The following TAGLN2 variants were observed in gnomAD, a reference collection of about 807,000 sequenced individuals.
TAGLN2 encodes transgelin 2.
In TAGLN2, 14 loss-of-function variants were observed where a neutral mutation model predicts 24.9. The observed-to-expected ratio is 0.56, with a 90% CI of 0.37 to 0.88. The LOEUF (loss-of-function observed/expected upper bound fraction) is 0.88, where lower values mean the gene tolerates loss of function less well. Among genes scored for constraint, TAGLN2 ranks in the 40% least tolerant of loss-of-function variants. TAGLN2 has a pLI of 0.00. For synonymous variants in TAGLN2, 77 were observed against 98.2 expected, an observed-to-expected ratio of 0.78 and a Z score of 1.28; for missense variants, 208 against 258.9, an observed-to-expected ratio of 0.80 and a Z score of 1.35.
intron 4 of TAGLN2, 124 bp downstream of exon 4, chr1:159,919,150 G>A (rs556552211): frequency 6.9e-5 from 86 of 1,249,932 alleles, no homozygotes; most frequent in Non-Finnish European, 9.1e-5. Context: ...TAAGTGAGAT[G>A]AGGAATTTTC....
At position 159,920,387 on chromosome 1, in the gene TAGLN2, A is replaced by G. The variant is rs753826468; in HGVS notation, c.123T>C (p.Asp41=). The change falls in exon 2 of 5, where the codon GAT becomes GAC. Residue 41 remains aspartate, a synonymous_variant. Coordinates refer to ENST00000368097, the MANE Select transcript of TAGLN2 (RefSeq NM_003564.3). ...CGCGTCCAGGCTGGGGCCGGCCCAC[A>G]TCCTTTCGGCACTGGGTGGTGATCC... is the stretch of plus-strand genomic sequence containing the variant. The part of the protein sequence containing the change: ...IQWITTQCRK[D]VGRPQPGREN... The G allele has an allele frequency of 6.2e-7, 1 of 1,614,154 alleles. No individual in the cohort carries two copies. Among genetic ancestry groups the G allele is most frequent in the South Asian group, 1.1e-5 (1 of 91,076 alleles).
intron 1 of TAGLN2, among the ~76,000 whole-genome samples, chr1:159,923,232 G>A (rs1275240545): frequency 2.6e-5 from 4 of 152,250 alleles, no homozygotes; most frequent in East Asian, 1.9e-4. Flanking sequence ...GACAGGTGTG[G>A]GGGACCCCCA....
At position 159,923,476 on chromosome 1, in the gene TAGLN2, G is replaced by C. The variant is rs906990246; in HGVS notation, c.-29+1974C>G. The C allele has an allele frequency of 4.5e-6, 7 of 1,549,756 alleles. No individual in the cohort carries two copies. In the African/African-American group the frequency reaches 9.6e-5, roughly 21 times the overall value. On this transcript the variant is annotated intron_variant, in intron 1 of 4. Coordinates refer to ENST00000368097, the MANE Select transcript of TAGLN2 (RefSeq NM_003564.3). The stretch of plus-strand genomic sequence containing the variant: ...GCCAAAGAAAAGGCGGACATGGGTG[G>C]GGGCAGGGAGGACTTCAGGGTTCTT...
intron 1 of TAGLN2, among the ~76,000 whole-genome samples, chr1:159,923,152 T>G (rs1650591026): frequency 6.6e-6 from 1 of 152,190 alleles, no homozygotes; most frequent in Non-Finnish European, 1.5e-5. Flanking sequence ...TGCCCCTGCC[T>G]TCCCTCAAAC....
chr1:159,922,007 C>T (rs868457867), intron 1 of TAGLN2, among the ~76,000 whole-genome samples: 20 of 152,250 alleles, frequency 1.3e-4, no homozygotes, highest in Admixed American at 4.6e-4. Context: ...CAGGCATCTG[C>T]GTTCAAGGGG....
At chr1:159,920,792 T>C (rs1328633378) in intron 1 of TAGLN2, among the ~76,000 whole-genome samples, 2 of 152,200 alleles carry the variant, frequency 1.3e-5, no homozygotes, top group African/African-American at 2.4e-5. Flanking sequence ...TGGGTTTTCT[T>C]TGCTTTTTTT....
chr1:159,922,075 G>T (rs903103245), intron 1 of TAGLN2, among the ~76,000 whole-genome samples: 1 of 152,170 alleles, frequency 6.6e-6, no homozygotes, highest in African/African-American at 2.4e-5. Flanking sequence ...TGGCCTTCAG[G>T]GATGAAGTCA....
At chr1:159,919,494 C>A in intron 3 of TAGLN2, 118 bp from the exon 4 acceptor site, 1 of 1,330,014 alleles carries the variant, frequency 7.5e-7, no homozygotes, top group South Asian at 1.2e-5. Flanking sequence ...CATTTCCATA[C>A]CCTTCTCCAT....
chr1:159,920,651 G>C (rs1289690604), intron 1 of TAGLN2, 114 bp from the exon 2 acceptor site: 5 of 1,476,110 alleles, frequency 3.4e-6, no homozygotes, highest in Non-Finnish European at 3.6e-6. Flanking sequence ...TGAGCCCCAA[G>C]GATGAGGACC....
chr1:159,923,363 T>A (rs1650596253), intron 1 of TAGLN2: 1 of 1,511,668 alleles, frequency 6.6e-7, no homozygotes, highest in Non-Finnish European at 9.0e-7. Context: ...ACCCTGGAGT[T>A]ACAATAGGCG....
At position 159,919,267 on chromosome 1, in the gene TAGLN2, T is replaced by C. The variant is rs1557924446; in HGVS notation, c.458+7A>G. The stretch of plus-strand genomic sequence containing the variant: ...CTGGACCCTGCGGCTGTCCCAGCAA[T>C]ACTTACTTAGGGAACCAGTTGGGAT... On this transcript the variant is annotated splice_region_variant and intron_variant, in intron 4 of 4. Coordinates refer to ENST00000368097, the MANE Select transcript of TAGLN2 (RefSeq NM_003564.3). The C allele has an allele frequency of 1.2e-6, 2 of 1,613,530 alleles. No individual in the cohort carries two copies. Among genetic ancestry groups the C allele is most frequent in the Non-Finnish European group, 1.7e-6 (2 of 1,179,430 alleles).
intron 1 of TAGLN2, chr1:159,923,631 C>T (rs376040839): frequency 1.8e-5 from 12 of 654,006 alleles, no homozygotes; most frequent in East Asian, 6.6e-5. Context: ...GGGCACCAGC[C>T]CACAGAGCGA....
chr1:159,919,234 TG>T, intron 4 of TAGLN2, 39 bp downstream of exon 4: 1 of 1,576,812 alleles, frequency 6.3e-7, no homozygotes, highest in Admixed American at 1.7e-5. Flanking sequence ...GCAGAAACAA[TG>T]CACCTGCTGG....
At chr1:159,919,856 T>C (rs765333363) in intron 2 of TAGLN2, 21 bp from the exon 3 acceptor site, 13 of 1,609,542 alleles carry the variant, frequency 8.1e-6, no homozygotes, top group Non-Finnish European at 1.1e-5. Flanking sequence ...ACAGCAGGGG[T>C]GGAAAGGTGA....
At chr1:159,922,128 G>A (rs1650551160) in intron 1 of TAGLN2, among the ~76,000 whole-genome samples, 1 of 152,088 alleles carries the variant, frequency 6.6e-6, no homozygotes, top group African/African-American at 2.4e-5. Context: ...AAACAATCCC[G>A]TCACCCCCTC....
chr1:159,918,989 G>A (rs756351748), intron 4 of TAGLN2, 48 bp from the exon 5 acceptor site: 1 of 1,609,894 alleles, frequency 6.2e-7, no homozygotes, highest in Non-Finnish European at 8.5e-7. Context: ...GGCTGCCCTA[G>A]TAAATCCCTT....
chr1:159,922,690 C>G (rs910350225), intron 1 of TAGLN2, among the ~76,000 whole-genome samples: 9 of 152,174 alleles, frequency 5.9e-5, no homozygotes, highest in African/African-American at 1.9e-4. Flanking sequence ...GACCAAGTGG[C>G]CTGAGGCTCG....
At chr1:159,920,709 G>T in intron 1 of TAGLN2, 172 bp from the exon 2 acceptor site, 1 of 867,152 alleles carries the variant, frequency 1.2e-6, no homozygotes, top group Non-Finnish European at 1.4e-6. Context: ...CTGGGAAAGA[G>T]AATGATTTGG....
intron 1 of TAGLN2, among the ~76,000 whole-genome samples, chr1:159,921,177 C>T (rs1010138593): frequency 1.1e-4 from 17 of 152,094 alleles, no homozygotes; most frequent in African/African-American, 4.1e-4. Flanking sequence ...AATCATGCCC[C>T]CGCAAAAGGT....
Sources: allele counts gnomAD v4.1 joint callset (sites outside exome capture counted in the v4.1 genomes callset), GRCh38; gene constraint gnomAD v4.1.1; transcripts MANE v1.5; gene names NCBI Gene and HGNC (gene_info 2026-07-23, HGNC 2026-07-21).